Variants in CPT1C observed in about 807,000 individuals in gnomAD.
CPT1C encodes palmitoyl thioesterase CPT1C.
Under a neutral mutation model 97.3 loss-of-function variants are expected in CPT1C, and 61 were observed. The ratio of observed to expected loss-of-function variants is 0.63; its 90% confidence interval spans 0.51 to 0.78. The LOEUF is 0.78. Ranked by LOEUF, CPT1C falls within the 30% of genes least tolerant of loss-of-function variation. The pLI is 0.00. For synonymous variants in CPT1C, 469 were observed against 447.2 expected, an observed-to-expected ratio of 1.05 and a Z score of -0.61; for missense variants, 975 against 1,065.5, an observed-to-expected ratio of 0.92 and a Z score of 1.18.
At chr19:49,708,373 A>G (rs2083639692) in intron 13 of CPT1C, among the ~76,000 whole-genome samples, 3 of 152,176 alleles carry the variant, frequency 2.0e-5, no homozygotes, top group Non-Finnish European at 1.5e-5. Context: ...ATGGTGGTAC[A>G]TGCCTGTGGC....
chr19:49,694,130 G>T (rs192507894), intron 3 of CPT1C, among the ~76,000 whole-genome samples: 155 of 150,850 alleles, frequency 1.0e-3, no homozygotes, highest in Non-Finnish European at 5.3e-4. Flanking sequence ...AAATAATAAA[G>T]ACAGAATCCT....
At chr19:49,695,552 T>A (rs531299942) in intron 3 of CPT1C, among the ~76,000 whole-genome samples, 16 of 150,602 alleles carry the variant, frequency 1.1e-4, no homozygotes, top group Admixed American at 7.3e-4. Context: ...CTCAGAGTGC[T>A]GGGACTACAG....
chr19:49,711,187 A>G, intron 16 of CPT1C: 1 of 174,008 alleles, frequency 5.7e-6, no homozygotes, highest in Middle Eastern at 2.5e-3. Flanking sequence ...TCTGCCTCTC[A>G]GGTTCAAGCG....
rs1339112319 is a variant in CPT1C at position 49,700,904 on chromosome 19, CTATT to C, written c.453+50_453+53del. On this transcript the variant is annotated intron_variant, in intron 5 of 19. Transcript: ENST00000598293. ...TCAGGCTCTCCTGGGACCCGCTTATCTATTCCCCTCTCTCTGGGTCTCTGTCCCC... is the reference window on the plus strand; with the variant it reads ...TCAGGCTCTCCTGGGACCCGCTTATCCCCCTCTCTCTGGGTCTCTGTCCCC... The C allele has an allele frequency of 1.9e-6, 3 of 1,561,098 alleles. No homozygotes were observed. In the South Asian group the frequency reaches 3.3e-5, roughly 17 times the overall value.
In CPT1C at chr19:49,706,228, CA is replaced by C; in HGVS notation, c.1161-2del. The C allele has an allele frequency of 6.5e-7, 1 of 1,532,800 alleles. No homozygotes were observed. The highest frequency in any genetic ancestry group is 8.8e-7 in the Non-Finnish European group (1 of 1,141,786). 94.9% of individuals were successfully genotyped at this position (1,532,800 alleles called of 1,614,324 possible). On this transcript the variant is annotated splice_acceptor_variant, in intron 11 of 19. Transcript: ENST00000598293. LOFTEE classifies it high-confidence loss of function. The surrounding 1 kb of genome is among the most constrained non-coding windows in gnomAD (Gnocchi z 4.8). The stretch of plus-strand genomic sequence containing the variant: ...GGACTCAGGCACATCCCGGGCCCTC[CA>C]GGGGCACGTGGGCCCAGGTGCGGAC...
At chr19:49,712,512 A>G (rs1252064191) in intron 17 of CPT1C, 4 of 562,638 alleles carry the variant, frequency 7.1e-6, no homozygotes, top group Non-Finnish European at 1.3e-5. Flanking sequence ...TGGTCAGAGG[A>G]GGGGCGTGGT....
At chr19:49,695,288 T>C (rs1306928318) in intron 3 of CPT1C, among the ~76,000 whole-genome samples, 1 of 150,832 alleles carries the variant, frequency 6.6e-6, no homozygotes, top group Non-Finnish European at 1.5e-5. Flanking sequence ...ATTTTTTTTT[T>C]TTTTTTTTTT....
At chr19:49,693,761 T>G (rs1041458336) in intron 3 of CPT1C, among the ~76,000 whole-genome samples, 3 of 151,454 alleles carry the variant, frequency 2.0e-5, no homozygotes, top group Non-Finnish European at 4.4e-5. Context: ...CCATCTCTAT[T>G]AAAAAAATAA....
intron 3 of CPT1C, among the ~76,000 whole-genome samples, chr19:49,695,793 G>T (rs1480366359): frequency 3.3e-5 from 5 of 152,098 alleles, no homozygotes; most frequent in Admixed American, 6.6e-5. Flanking sequence ...ATGTTGGCCA[G>T]GATGGTCTCG....
chr19:49,702,568 T>G (rs1215766036), intron 7 of CPT1C, among the ~76,000 whole-genome samples: 2 of 147,190 alleles, frequency 1.4e-5, no homozygotes, highest in African/African-American at 5.1e-5. Context: ...GGCACTGAAC[T>G]GAGATCGCGC....
At chr19:49,695,003 T>G (rs1413979106) in intron 3 of CPT1C, among the ~76,000 whole-genome samples, 1 of 151,814 alleles carries the variant, frequency 6.6e-6, no homozygotes, top group East Asian at 2.0e-4. Flanking sequence ...TAGCTGGGCG[T>G]GGTGGCAGTC....
rs2083577395 is a variant in CPT1C, at chr19:49,707,613, A to G, written c.1439A>G (p.His480Arg). ...HSWADCPISGHMWEFTLATEC... is the reference protein window; with the variant it reads ...HSWADCPISGRMWEFTLATEC... ...TGGGCCGACTGCCCCATCTCAGGAC[A>G]CATGTGGGAGGTAGGGCGGCCAGCC... Residue 480 changes from histidine (H) to arginine (R), a missense_variant, in exon 13 of 20, where the codon CAC (histidine) becomes CGC (arginine). Coordinates refer to ENST00000598293, the MANE Select transcript of CPT1C (RefSeq NM_001199753.2). 1 of 1,609,536 alleles carries G rather than the reference A, an allele frequency of 6.2e-7. No homozygotes were observed. Among genetic ancestry groups the G allele is most frequent in the Non-Finnish European group, 8.5e-7 (1 of 1,178,116 alleles).
chr19:49,704,316 C>T (rs777139966), intron 7 of CPT1C, among the ~76,000 whole-genome samples: 6 of 152,124 alleles, frequency 3.9e-5, no homozygotes, highest in African/African-American at 9.7e-5. Flanking sequence ...GGATTACAGG[C>T]GTGCACCACC....
Position 49,710,475 on chromosome 19 carries a change from C to A in CPT1C, c.1722C>A (p.Ala574=). 6.2e-7 allele frequency: 1 copy of A among 1,614,170 alleles called. No individual in the cohort carries two copies. The change falls in exon 15 of 20, where the codon GCC becomes GCA. Residue 574 remains alanine, a synonymous_variant. Coordinates refer to ENST00000598293, the MANE Select transcript of CPT1C (RefSeq NM_001199753.2). The part of the protein sequence containing the change: ...DSFIQIALQL[A]HFRDRGQFCL... The stretch of plus-strand genomic sequence containing the variant: ...TCATCCAGATCGCCTTGCAACTGGC[C>A]CACTTCCGGGTCAGTTGGGTTCCCC...
At chr19:49,709,658 G>A (rs557757899) in intron 14 of CPT1C, among the ~76,000 whole-genome samples, 10 of 150,914 alleles carry the variant, frequency 6.6e-5, no homozygotes, top group Middle Eastern at 3.4e-3. Flanking sequence ...AGGTTCAAGC[G>A]ATTCTCTTGC....
intron 12 of CPT1C, 79 bp from the exon 13 acceptor site, chr19:49,707,439 C>A: frequency 1.0e-6 from 1 of 971,594 alleles, no homozygotes; most frequent in Non-Finnish European, 1.6e-6. Flanking sequence ...TCTAGAAAAC[C>A]CCCTCAAGTC....
At chr19:49,707,419 C>T in intron 12 of CPT1C, 99 bp from the exon 13 acceptor site, 1 of 823,000 alleles carries the variant, frequency 1.2e-6, no homozygotes, top group East Asian at 2.6e-5. Context: ...TGGATTCCCA[C>T]ATCTTCCCAT....
intron 7 of CPT1C, among the ~76,000 whole-genome samples, chr19:49,702,036 T>TA (rs2083155341): frequency 1.0e-5 from 1 of 98,698 alleles, no homozygotes; most frequent in Non-Finnish European, 1.8e-5. Flanking sequence ...TATAAATATA[T>TA]ATTTATTTAT....
chr19:49,701,981 AAT>A (rs1247926751), intron 7 of CPT1C, among the ~76,000 whole-genome samples: 5 of 102,206 alleles, frequency 4.9e-5, no homozygotes, highest in Admixed American at 1.3e-4. Context: ...TTTATAAATA[AAT>A]ATATAAATAT....
Sources: allele counts gnomAD v4.1 joint callset (sites outside exome capture counted in the v4.1 genomes callset), GRCh38; gene constraint gnomAD v4.1.1; non-coding constraint Gnocchi (gnomAD v3.1); transcripts MANE v1.5; gene names NCBI Gene and HGNC (gene_info 2026-07-23, HGNC 2026-07-21).